HNF4G: variants seen among roughly 807,000 people sequenced by gnomAD.
HNF4G encodes hepatocyte nuclear factor 4 gamma, also known as hepatocyte nuclear factor 4-gamma.
In HNF4G, 21 loss-of-function variants were observed where a neutral mutation model predicts 50.9. The observed-to-expected ratio is 0.41, with a 90% CI of 0.29 to 0.59. HNF4G has a LOEUF of 0.59. Among genes scored for constraint, HNF4G ranks in the 20% least tolerant of loss-of-function variants. HNF4G has a pLI of 0.26. For synonymous variants in HNF4G, 198 were observed against 185.6 expected (o/e 1.07, Z -0.54); for missense variants, 527 against 559.4 (o/e 0.94, Z 0.58).
intron 2 of HNF4G, among the ~76,000 whole-genome samples, chr8:75,493,340 A>G (rs1396517706): frequency 1.3e-5 from 2 of 152,128 alleles, no homozygotes; most frequent in African/African-American, 4.8e-5. Context: ...CCCCATCCTG[A>G]AGAGTGCTTA....
At chr8:75,553,815 G>A (rs565689245) in intron 5 of HNF4G, among the ~76,000 whole-genome samples, 1 of 152,196 alleles carries the variant, frequency 6.6e-6, no homozygotes, top group South Asian at 2.1e-4. Context: ...AAAAGATAGA[G>A]TGATCTTTTA....
intron 1 of HNF4G, among the ~76,000 whole-genome samples, chr8:75,439,393 T>G (rs1811219873): frequency 6.6e-6 from 1 of 152,026 alleles, no homozygotes; most frequent in Admixed American, 6.5e-5. Flanking sequence ...TCTATCAGAT[T>G]CATAGGATTC....
chr8:75,480,418 T>C (rs1051574604), intron 1 of HNF4G, among the ~76,000 whole-genome samples: 1 of 152,166 alleles, frequency 6.6e-6, no homozygotes, highest in Non-Finnish European at 1.5e-5. Context: ...GATACTTAGT[T>C]TGAACTTTAA....
intron 9 of HNF4G, among the ~76,000 whole-genome samples, chr8:75,560,800 A>C (rs1479766410): frequency 2.0e-5 from 3 of 152,178 alleles, no homozygotes; most frequent in African/African-American, 2.4e-5. Context: ...CTTAATAATC[A>C]ATGGGAAAAT....
intron 2 of HNF4G, among the ~76,000 whole-genome samples, chr8:75,521,237 G>C (rs1806032851): frequency 6.6e-6 from 1 of 152,142 alleles, no homozygotes; most frequent in South Asian, 2.1e-4. Flanking sequence ...GATAGAATGA[G>C]AAGAAGACAA....
rs11998385 is a variant in HNF4G at position 75,551,378 on chromosome 8, T to G, written c.383-10T>G. ...AAGTGCTCAATAAATACTGTGTTTT[T>G]TCCCCCTAGCTGTACAAAATGAACG... On this transcript the variant is annotated splice_polypyrimidine_tract_variant and intron_variant, in intron 3 of 9. Transcript: ENST00000396423. 1 of 1,543,892 alleles carries G rather than the reference T, an allele frequency of 6.5e-7. No homozygotes were observed. Among genetic ancestry groups the G allele is most frequent in the African/African-American group, 1.4e-5 (1 of 73,476 alleles).
chr8:75,458,360 A>G (rs1290991664), intron 1 of HNF4G, among the ~76,000 whole-genome samples: 1 of 138,872 alleles, frequency 7.2e-6, no homozygotes, highest in Non-Finnish European at 1.5e-5. Flanking sequence ...TTTATGTTTA[A>G]TGGTCTAACT....
rs1318002294 is a variant in HNF4G at position 75,558,655 on chromosome 8, G to T, written c.871G>T (p.Val291Leu). ...DNEYACLKAI[V>L]FFDPDAKGLS... The stretch of plus-strand genomic sequence containing the variant: ...TGAGTATGCTTGTTTAAAGGCAATT[G>T]TATTTTTTGATCCAGGTTGGTTTTC... Residue 291 changes from valine to leucine, a missense_variant, in exon 7 of 10, where the codon GTA becomes TTA. Val to Leu is a conservative substitution (Grantham distance 32, BLOSUM62 1). Transcript: ENST00000396423. 6.2e-7 allele frequency: 1 copy of T among 1,612,430 alleles called. No individual in the cohort carries two copies. Among genetic ancestry groups the T allele is most frequent in the Non-Finnish European group, 8.5e-7 (1 of 1,179,524 alleles).
chr8:75,550,917 A>G (rs934504829), intron 3 of HNF4G, among the ~76,000 whole-genome samples: 2 of 152,090 alleles, frequency 1.3e-5, no homozygotes, highest in African/African-American at 4.8e-5. Flanking sequence ...GCAATCCTAA[A>G]ATCATCATAA....
chr8:75,509,538 G>A (rs1308363929), intron 2 of HNF4G, among the ~76,000 whole-genome samples: 3 of 152,176 alleles, frequency 2.0e-5, no homozygotes, highest in African/African-American at 7.2e-5. Flanking sequence ...AGCAAAGTAA[G>A]ACTTTTAGAT....
At chr8:75,556,480 C>A (rs1172437987) in intron 6 of HNF4G, among the ~76,000 whole-genome samples, 1 of 151,988 alleles carries the variant, frequency 6.6e-6, no homozygotes, top group Non-Finnish European at 1.5e-5. Context: ...TCTTATTGCC[C>A]ATGATAGCCC....
intron 2 of HNF4G, among the ~76,000 whole-genome samples, chr8:75,518,211 T>A (rs1348498785): frequency 1.4e-5 from 2 of 146,444 alleles, no homozygotes; most frequent in African/African-American, 5.1e-5. Flanking sequence ...ATTGTTCAGT[T>A]CCCACCTATG....
chr8:75,540,364 GTTATT>G (rs1236505468), intron 1 of HNF4G, among the ~76,000 whole-genome samples: 1 of 152,098 alleles, frequency 6.6e-6, no homozygotes, highest in Non-Finnish European at 1.5e-5. Flanking sequence ...AGTCTCAGCT[GTTATT>G]TTATTTGCTG....
chr8:75,540,042 T>G lies in HNF4G; in HGVS notation c.80T>G (p.Leu27Trp). 1.9e-6 allele frequency: 3 copies of G among 1,608,708 alleles called. No homozygotes were observed. The highest frequency in any genetic ancestry group is 2.6e-6 in the Non-Finnish European group (3 of 1,175,200). ...GTTTTGGACCCAACTTACACAACTT[T>G]GGAGTTTGAAACTATGCAGATTCTA... ...SEVLDPTYTT[L>W]EFETMQILYN... The change falls in exon 1 of 10, where the codon TTG (leucine) becomes TGG (tryptophan). Residue 27 changes from leucine (L) to tryptophan (W), a missense_variant. Physicochemically the swap from Leu to Trp is moderately conservative, Grantham distance 61. Transcript: ENST00000396423.
chr8:75,511,329 A>G (rs1219446138), intron 2 of HNF4G, among the ~76,000 whole-genome samples: 3 of 152,152 alleles, frequency 2.0e-5, no homozygotes, highest in African/African-American at 7.2e-5. Context: ...ATAACCCTAT[A>G]ACAATACCAC....
At chr8:75,457,917 A>G (rs752061117) in intron 1 of HNF4G, among the ~76,000 whole-genome samples, 11 of 152,146 alleles carry the variant, frequency 7.2e-5, no homozygotes, top group Middle Eastern at 3.4e-3. Context: ...TGCAGTAGAG[A>G]ACAAAAAAGA....
intron 1 of HNF4G, among the ~76,000 whole-genome samples, chr8:75,540,569 G>A (rs1273914447): frequency 6.6e-6 from 1 of 151,976 alleles, no homozygotes; most frequent in African/African-American, 2.4e-5. Flanking sequence ...TTACTATCAG[G>A]TTTTTGCATT....
intron 2 of HNF4G, among the ~76,000 whole-genome samples, chr8:75,531,534 A>G (rs1193764900): frequency 6.6e-6 from 1 of 152,170 alleles, no homozygotes; most frequent in African/African-American, 2.4e-5. Flanking sequence ...ATAAAATATC[A>G]AAATAATTAT....
intron 2 of HNF4G, among the ~76,000 whole-genome samples, chr8:75,499,937 T>C (rs1292770203): frequency 6.6e-6 from 1 of 152,014 alleles, no homozygotes; most frequent in Non-Finnish European, 1.5e-5. Flanking sequence ...ATCAAATCCT[T>C]AAAAGAAAAC....
Sources: allele counts gnomAD v4.1 joint callset (sites outside exome capture counted in the v4.1 genomes callset), GRCh38; gene constraint gnomAD v4.1.1; transcripts MANE v1.5; gene names NCBI Gene and HGNC (gene_info 2026-07-23, HGNC 2026-07-21).